AFF2: variants seen among roughly 807,000 people sequenced by gnomAD.
The protein encoded by AFF2 is ALF transcription elongation factor 2, also known as AF4/FMR2 family member 2.
AFF2 carries 14 observed loss-of-function variants against 76.9 expected under a neutral mutation model. The observed-to-expected ratio is 0.18, with a 90% CI of 0.12 to 0.28. The LOEUF (loss-of-function observed/expected upper bound fraction) is 0.28, where lower values mean the gene tolerates loss of function less well. Among genes scored for constraint, AFF2 ranks in the 10% least tolerant of loss-of-function variants. AFF2 has a pLI of 1.00. For missense variants in AFF2, 868 were observed against 1,001.1 expected, an observed-to-expected ratio of 0.87 and a Z score of 1.79; for synonymous variants, 398 against 366.7, an observed-to-expected ratio of 1.09 and a Z score of -0.98.
chrX:148,711,533 A>C lies in AFF2; in HGVS notation c.1041+48765A>C, dbSNP rs782737790. Reference sequence around the variant, plus strand: ...TTTATTCATGGGATAAATGTTTCATATAATGAATTTTCAAGTAAATGTATT... The same window carrying C: ...TTTATTCATGGGATAAATGTTTCATCTAATGAATTTTCAAGTAAATGTATT... On this transcript the variant is annotated intron_variant, in intron 3 of 20. Coordinates refer to ENST00000370460, the MANE Select transcript of AFF2 (RefSeq NM_002025.4). 2.7e-4 allele frequency among the ~76,000 whole-genome samples: 30 copies of C among 112,223 alleles called. 1 individual carries two copies. The highest frequency in any genetic ancestry group is 3.8e-5 in the Non-Finnish European group (2 of 53,228).
intron 13 of AFF2, among the ~76,000 whole-genome samples, chrX:148,964,676 G>C (rs781826125): frequency 8.1e-5 from 9 of 111,593 alleles, no homozygotes; most frequent in Non-Finnish European, 1.1e-4. Context: ...TGGGTACAGA[G>C]TTTCCGTTTT....
intron 8 of AFF2, among the ~76,000 whole-genome samples, chrX:148,894,890 T>G (rs1489514426): frequency 1.8e-5 from 2 of 108,985 alleles, no homozygotes; most frequent in African/African-American, 7.0e-5. Flanking sequence ...AAATGTGAGA[T>G]AGATAGATAT....
chrX:148,734,084 A>G (rs997203744), intron 3 of AFF2, among the ~76,000 whole-genome samples: 3 of 112,327 alleles, frequency 2.7e-5, no homozygotes, highest in African/African-American at 9.7e-5. Flanking sequence ...TCCAGGCCAC[A>G]TTAGACTCAC....
chrX:148,918,173 C>T (rs190141308), intron 9 of AFF2, among the ~76,000 whole-genome samples: 1 of 112,327 alleles, frequency 8.9e-6, no homozygotes, highest in East Asian at 2.8e-4. Context: ...ATTCAGGCAG[C>T]ACATTCATTA....
intron 3 of AFF2, among the ~76,000 whole-genome samples, chrX:148,798,193 A>G (rs997068136): frequency 4.5e-5 from 5 of 111,287 alleles, no homozygotes; most frequent in Non-Finnish European, 7.5e-5. Context: ...ACAGAGAGAG[A>G]AGCAGAAACA....
chrX:148,907,064 C>G (rs2071415450), intron 9 of AFF2, among the ~76,000 whole-genome samples: 1 of 111,802 alleles, frequency 8.9e-6, no homozygotes, highest in Non-Finnish European at 1.9e-5. Context: ...AGGCCAAGAA[C>G]CCCAGGTCAG....
intron 18 of AFF2, among the ~76,000 whole-genome samples, chrX:148,979,607 G>A (rs888634034): frequency 8.9e-6 from 1 of 112,008 alleles, no homozygotes; most frequent in African/African-American, 3.3e-5. Context: ...TAAGTTCCCT[G>A]GTGATGCTTC....
chrX:148,781,046 A>G, intron 3 of AFF2, among the ~76,000 whole-genome samples: 1 of 112,004 alleles, frequency 8.9e-6, no homozygotes. Context: ...GTTTTCCGCC[A>G]GACTCTGTTT....
chrX:148,862,685 A>C (rs1014735311), intron 7 of AFF2, among the ~76,000 whole-genome samples: 40 of 93,404 alleles, frequency 4.3e-4, no homozygotes, highest in African/African-American at 1.6e-3. Context: ...AACTGGCAAG[A>C]ACTAGAATTT....
At chrX:148,550,212 T>C (rs2052974422) in intron 1 of AFF2, among the ~76,000 whole-genome samples, 1 of 112,223 alleles carries the variant, frequency 8.9e-6, no homozygotes, top group African/African-American at 3.2e-5. Flanking sequence ...TTGTGGTGTA[T>C]ATTTGCAGAG....
At position 148,983,341 on chromosome X, in the gene AFF2, T is replaced by C. The variant is rs781893788; in HGVS notation, c.3623+2551T>C. On this transcript the variant is annotated intron_variant, in intron 19 of 20. Coordinates refer to ENST00000370460, the MANE Select transcript of AFF2 (RefSeq NM_002025.4). Reference sequence around the variant, plus strand: ...TGGACCTGCTATTAGATCCTGGCTTTTTGGCTCTCTGGGCTCTGTGGCCCT... The same window carrying C: ...TGGACCTGCTATTAGATCCTGGCTTCTTGGCTCTCTGGGCTCTGTGGCCCT... 1.1e-4 allele frequency among the ~76,000 whole-genome samples: 12 copies of C among 112,127 alleles called. No homozygotes were observed. The East Asian group carries it at 3.4e-3, about 31-fold the overall frequency.
chrX:148,518,942 C>T (rs1427476456), intron 1 of AFF2, among the ~76,000 whole-genome samples: 1 of 111,770 alleles, frequency 8.9e-6, no homozygotes, highest in Non-Finnish European at 1.9e-5. Flanking sequence ...TAAAATACAA[C>T]AAACCATGAA....
At chrX:148,504,971 C>G (rs2052392590) in intron 1 of AFF2, among the ~76,000 whole-genome samples, 1 of 63,605 alleles carries the variant, frequency 1.6e-5, no homozygotes, top group Non-Finnish European at 2.8e-5. Flanking sequence ...GATACTAGGG[C>G]TGTGGTGGGG....
At chrX:148,728,507 C>T (rs968988026) in intron 3 of AFF2, among the ~76,000 whole-genome samples, 4 of 112,548 alleles carry the variant, frequency 3.6e-5, no homozygotes, top group African/African-American at 1.3e-4. Context: ...ACTCTATTTT[C>T]ATTTTGAAAT....
chrX:148,746,981 C>T (rs141037637), intron 3 of AFF2, among the ~76,000 whole-genome samples: 252 of 112,172 alleles, frequency 2.2e-3, no homozygotes, highest in African/African-American at 7.6e-3. Context: ...GGACTGGGGA[C>T]GGGGTTCCTA....
At chrX:148,714,530 A>C (rs1239082699) in intron 3 of AFF2, among the ~76,000 whole-genome samples, 1 of 111,486 alleles carries the variant, frequency 9.0e-6, no homozygotes, top group African/African-American at 3.3e-5. Flanking sequence ...TGATAATAAT[A>C]ATGCTAGCTT....
intron 7 of AFF2, among the ~76,000 whole-genome samples, chrX:148,859,750 C>A (rs1248020059): frequency 2.7e-5 from 3 of 111,247 alleles, no homozygotes; most frequent in Non-Finnish European, 5.7e-5. Context: ...CTATATAGCA[C>A]ATCTGACATG....
chrX:148,657,732 C>G (rs2054267628), intron 2 of AFF2, among the ~76,000 whole-genome samples: 1 of 112,071 alleles, frequency 8.9e-6, no homozygotes, highest in Admixed American at 9.4e-5. Context: ...TTTAAAGAAT[C>G]AACCAATTAT....
rs537029794 is a variant in AFF2, at chrX:148,586,648, T to C, written c.48-65351T>C. The stretch of plus-strand genomic sequence containing the variant: ...AATATTTAGAGAATAGGACAGATAT[T>C]GGACTAATAAGAGATGCTCCTCTGA... On this transcript the variant is annotated intron_variant, in intron 1 of 20. Transcript: ENST00000370460. Among the ~76,000 whole-genome samples, 3 of 112,315 alleles carry C rather than the reference T, an allele frequency of 2.7e-5. No homozygotes were observed. The South Asian group carries it at 1.1e-3, about 41-fold the overall frequency.
Sources: gnomAD v4.1 joint callset for allele counts (sites outside exome capture counted in the v4.1 genomes callset) on GRCh38, gnomAD v4.1.1 for gene constraint, MANE v1.5 for transcripts, NCBI Gene and HGNC (gene_info 2026-07-23, HGNC 2026-07-21) for gene names.